HDAC9: variants seen among roughly 807,000 people sequenced by gnomAD.
The protein encoded by HDAC9 is MEF-2 interacting transcription repressor (MITR) protein.
HDAC9 carries 41 observed loss-of-function variants against 139.4 expected under a neutral mutation model. The ratio of observed to expected loss-of-function variants is 0.29; its 90% CI spans 0.23 to 0.38. The LOEUF (loss-of-function observed/expected upper bound fraction) is 0.38. Ranked by LOEUF, HDAC9 falls within the 10% of genes least tolerant of loss-of-function variation. The pLI is 1.00. For missense variants in HDAC9, 1,147 were observed against 1,297.0 expected, an observed-to-expected ratio of 0.88 and a Z score of 1.78; for synonymous variants, 517 against 476.2, an observed-to-expected ratio of 1.09 and a Z score of -1.12.
At chr7:18,342,269 T>C (rs1250435336) in intron 1 of HDAC9, among the ~76,000 whole-genome samples, 3 of 151,826 alleles carry the variant, frequency 2.0e-5, no homozygotes, top group South Asian at 4.1e-4. Flanking sequence ...TCTTCCACTC[T>C]GTGAGTTTCC....
intron 1 of HDAC9, among the ~76,000 whole-genome samples, chr7:18,323,123 G>C (rs1258478583): frequency 6.6e-6 from 1 of 152,144 alleles, no homozygotes; most frequent in Non-Finnish European, 1.5e-5. Context: ...ATGTTAGAAA[G>C]TAGCAAACCT....
chr7:18,273,931 C>T (rs1056853662), intron 2 of HDAC9, among the ~76,000 whole-genome samples: 9 of 152,146 alleles, frequency 5.9e-5, no homozygotes, highest in Non-Finnish European at 1.2e-4. Flanking sequence ...AGTTCAATGT[C>T]ACCAGGTGTT....
At chr7:18,863,703 T>C (rs958363241) in intron 21 of HDAC9, among the ~76,000 whole-genome samples, 1 of 151,978 alleles carries the variant, frequency 6.6e-6, no homozygotes, top group African/African-American at 2.4e-5. Flanking sequence ...ATGTATGACT[T>C]TGGAAGGTAA....
intron 7 of HDAC9, among the ~76,000 whole-genome samples, chr7:18,630,376 T>C (rs1275581148): frequency 6.6e-6 from 1 of 152,044 alleles, no homozygotes; most frequent in Non-Finnish European, 1.5e-5. Context: ...ATCTTATTTT[T>C]AGTAAGTTTT....
intron 14 of HDAC9, among the ~76,000 whole-genome samples, chr7:18,751,256 A>G (rs573391757): frequency 4.3e-4 from 65 of 152,278 alleles, no homozygotes; most frequent in Admixed American, 2.0e-3. Flanking sequence ...TCATACAACT[A>G]TGGGTTTGAG....
At chr7:18,622,372 G>T (rs1199780161) in intron 6 of HDAC9, among the ~76,000 whole-genome samples, 1 of 152,152 alleles carries the variant, frequency 6.6e-6, no homozygotes, top group East Asian at 1.9e-4. Context: ...CACCCAGGCT[G>T]GAGTGCAATG....
chr7:18,876,020 G>A (rs1293333721), intron 22 of HDAC9, among the ~76,000 whole-genome samples: 1 of 152,098 alleles, frequency 6.6e-6, no homozygotes, highest in Non-Finnish European at 1.5e-5. Context: ...CTTGCCACAG[G>A]GAAAGGTTGT....
At chr7:18,644,894 G>C in intron 9 of HDAC9, 101 bp downstream of exon 9, 1 of 1,187,508 alleles carries the variant, frequency 8.4e-7, no homozygotes, top group Non-Finnish European at 1.1e-6. Flanking sequence ...AGAAAAACTT[G>C]ACAGAGCCAG....
At chr7:18,705,852 C>CAAAAAAAAAAAAAAAAAAAA (rs376206693) in intron 12 of HDAC9, among the ~76,000 whole-genome samples, 1 of 82,022 alleles carries the variant, frequency 1.2e-5, no homozygotes, top group East Asian at 4.2e-4. Context: ...GACTCTGTCT[C>CAAAAAAAAAAAAAAAAAAAA]AAAAAAAAAA....
At chr7:18,649,800 A>T (rs1460439553) in intron 11 of HDAC9, among the ~76,000 whole-genome samples, 1 of 152,082 alleles carries the variant, frequency 6.6e-6, no homozygotes, top group African/African-American at 2.4e-5. Flanking sequence ...CATGGATTGG[A>T]TACCATGCTT....
intron 1 of HDAC9, among the ~76,000 whole-genome samples, chr7:18,125,497 T>C (rs951407276): frequency 7.9e-5 from 12 of 152,058 alleles, no homozygotes; most frequent in African/African-American, 2.4e-4. Context: ...ATGATATATA[T>C]GATTTGTTTC....
intron 2 of HDAC9, among the ~76,000 whole-genome samples, chr7:18,205,015 G>A (rs2731555): frequency 0.15 from 22,600 of 151,802 alleles, 2,079 homozygotes; most frequent in Admixed American, 0.22. Context: ...GTGTGTGTGT[G>A]TTTATAAACC....
rs1347213335 is a variant in HDAC9, at chr7:19,000,853, A to C, written c.*4791A>C. The C allele has an allele frequency of 6.6e-6, 1 of 152,200 alleles. No individual in the cohort carries two copies. The highest frequency in any genetic ancestry group is 1.5e-5 in the Non-Finnish European group (1 of 68,028). 9.4% of individuals were successfully genotyped at this position (152,200 alleles called of 1,614,324 possible). ...ATCTAAGCAATCAAAAGTTTCTGAAATCTCTGTTTCCTTAGTAGAAATGAC... is the reference window on the plus strand; with the variant it reads ...ATCTAAGCAATCAAAAGTTTCTGAACTCTCTGTTTCCTTAGTAGAAATGAC... On this transcript the variant is annotated 3_prime_UTR_variant, in exon 26 of 26. Transcript: ENST00000686413.
chr7:18,790,273 C>T (rs1792183729), intron 16 of HDAC9, among the ~76,000 whole-genome samples: 1 of 152,016 alleles, frequency 6.6e-6, no homozygotes. Context: ...TGTACTGAAG[C>T]TCAAATCGCT....
chr7:18,740,895 T>G (rs1011431738), intron 13 of HDAC9, among the ~76,000 whole-genome samples: 12 of 152,180 alleles, frequency 7.9e-5, no homozygotes, highest in African/African-American at 2.7e-4. Flanking sequence ...GTTTTAGTGG[T>G]CTTGGTAGAT....
intron 2 of HDAC9, among the ~76,000 whole-genome samples, chr7:18,257,442 G>GA (rs1170447763): frequency 7.6e-6 from 1 of 130,832 alleles, no homozygotes; most frequent in Non-Finnish European, 1.6e-5. Context: ...CACACAAAAA[G>GA]AAAAAAAGAA....
In HDAC9 at chr7:18,967,755, C is replaced by T. The variant is rs573302769; in HGVS notation, c.3023-8051C>T. 1.2e-4 allele frequency among the ~76,000 whole-genome samples: 18 copies of T among 152,246 alleles called. 1 individual carries two copies. In the South Asian group the frequency reaches 3.5e-3, roughly 30 times the overall value. Reference sequence around the variant, plus strand: ...TAAAAACCTAAACAAGCTTGATATTCTACCAATGAAAATCTAAGCTACTGT... The same window carrying T: ...TAAAAACCTAAACAAGCTTGATATTTTACCAATGAAAATCTAAGCTACTGT... On this transcript the variant is annotated intron_variant, in intron 24 of 25. Transcript: ENST00000686413.
intron 12 of HDAC9, among the ~76,000 whole-genome samples, chr7:18,679,103 G>T (rs553372463): frequency 6.6e-6 from 1 of 151,988 alleles, no homozygotes; most frequent in Non-Finnish European, 1.5e-5. Flanking sequence ...ATTCTGGGGG[G>T]AATGAGCTGC....
At chr7:18,613,691 A>C in intron 6 of HDAC9, among the ~76,000 whole-genome samples, 1 of 152,172 alleles carries the variant, frequency 6.6e-6, no homozygotes, top group African/African-American at 2.4e-5. Context: ...TTTATTCTAA[A>C]GTAGTTATTA....
Sources: gnomAD v4.1 joint callset for allele counts (sites outside exome capture counted in the v4.1 genomes callset) on GRCh38, gnomAD v4.1.1 for gene constraint, MANE v1.5 for transcripts, NCBI Gene and HGNC (gene_info 2026-07-23, HGNC 2026-07-21) for gene names.